The following CTNNA2 variants were observed in gnomAD, a reference collection of about 807,000 sequenced individuals.
CTNNA2 encodes catenin alpha 2.
Under a neutral mutation model 101.0 loss-of-function variants are expected in CTNNA2, and 42 were observed. That is an observed-to-expected ratio of 0.42 (90% CI 0.32 to 0.54). The LOEUF is 0.54. Among genes scored for constraint, CTNNA2 ranks in the 20% least tolerant of loss-of-function variants. The pLI is 0.14. For synonymous variants in CTNNA2, 450 were observed against 456.4 expected, an observed-to-expected ratio of 0.99 and a Z score of 0.18; for missense variants, 871 against 1,223.1, an observed-to-expected ratio of 0.71 and a Z score of 4.29.
intron 17 of CTNNA2, among the ~76,000 whole-genome samples, chr2:80,617,598 T>C (rs3770359): frequency 6.6e-6 from 1 of 151,946 alleles, no homozygotes; most frequent in East Asian, 1.9e-4. Flanking sequence ...TTTAATTCTT[T>C]AAAGACATTC....
At chr2:79,326,319 A>G (rs1676746911) in intron 3 of CTNNA2, among the ~76,000 whole-genome samples, 1 of 150,222 alleles carries the variant, frequency 6.7e-6, no homozygotes, top group South Asian at 2.1e-4. Context: ...AAAAAACCAG[A>G]CATCTAGAGA....
intron 7 of CTNNA2, among the ~76,000 whole-genome samples, chr2:80,049,861 C>T (rs1303016906): frequency 6.6e-6 from 1 of 152,152 alleles, no homozygotes; most frequent in African/African-American, 2.4e-5. Flanking sequence ...ATAACCCAGA[C>T]ATGTGTCTGT....
At chr2:80,635,396 T>A (rs1672769967) in intron 18 of CTNNA2, among the ~76,000 whole-genome samples, 1 of 152,200 alleles carries the variant, frequency 6.6e-6, no homozygotes, top group Non-Finnish European at 1.5e-5. Flanking sequence ...TTTAAACTAT[T>A]ATACTAAAGA....
rs540553682 is a variant in CTNNA2, at chr2:80,245,032, C to T, written c.1057-148179C>T. Reference sequence around the variant, plus strand: ...AAAACAAACAGAAAATTATGAAGTGCACAAAAGGATTTTCCACGCTGCTGA... The same window carrying T: ...AAAACAAACAGAAAATTATGAAGTGTACAAAAGGATTTTCCACGCTGCTGA... On this transcript the variant is annotated intron_variant, in intron 7 of 18. Transcript: ENST00000402739. Among the ~76,000 whole-genome samples, 3 of 152,290 alleles carry T rather than the reference C, an allele frequency of 2.0e-5. No individual in the cohort carries two copies. The East Asian group carries it at 5.8e-4, about 29-fold the overall frequency.
intron 3 of CTNNA2, among the ~76,000 whole-genome samples, chr2:79,829,120 G>A (rs1678668980): frequency 6.6e-6 from 1 of 152,098 alleles, no homozygotes; most frequent in Admixed American, 6.6e-5. Flanking sequence ...CACTTGAAAA[G>A]GAACATGTTA....
intron 7 of CTNNA2, among the ~76,000 whole-genome samples, chr2:80,285,057 T>C (rs1411756683): frequency 6.6e-6 from 1 of 152,124 alleles, no homozygotes; most frequent in Non-Finnish European, 1.5e-5. Flanking sequence ...ACTTTCTTTT[T>C]TTTTCTGGAA....
At chr2:80,406,807 A>G (rs1679106413) in intron 8 of CTNNA2, among the ~76,000 whole-genome samples, 1 of 144,732 alleles carries the variant, frequency 6.9e-6, no homozygotes, top group African/African-American at 2.7e-5. Flanking sequence ...AGCCTGGGCG[A>G]CAGAGCGAGA....
chr2:79,534,952 T>C (rs934060581), intron 1 of CTNNA2, among the ~76,000 whole-genome samples: 2 of 151,796 alleles, frequency 1.3e-5, no homozygotes, highest in Admixed American at 1.3e-4. Flanking sequence ...ACATAACTAT[T>C]TAATCTGATA....
At chr2:80,102,293 AAGG>A (rs1371300251) in intron 7 of CTNNA2, among the ~76,000 whole-genome samples, 2 of 152,130 alleles carry the variant, frequency 1.3e-5, no homozygotes, top group African/African-American at 4.8e-5. Context: ...TAGCCTCCAG[AAGG>A]AGAATCCTTC....
chr2:79,911,239 G>C (rs1685774638), intron 7 of CTNNA2, among the ~76,000 whole-genome samples: 1 of 152,200 alleles, frequency 6.6e-6, no homozygotes, highest in South Asian at 2.1e-4. Context: ...GACGCTGTTT[G>C]TTTGTTCGTT....
At chr2:80,561,207 C>G (rs1393240372) in intron 12 of CTNNA2, among the ~76,000 whole-genome samples, 1 of 152,068 alleles carries the variant, frequency 6.6e-6, no homozygotes, top group Non-Finnish European at 1.5e-5. Flanking sequence ...ATTGGGAAGA[C>G]AAACTATTAA....
chr2:80,138,195 AC>A (rs1702803377), intron 7 of CTNNA2, among the ~76,000 whole-genome samples: 1 of 152,038 alleles, frequency 6.6e-6, no homozygotes, highest in African/African-American at 2.4e-5. Context: ...TCTTAGAAAA[AC>A]CTGGATCTGA....
intron 2 of CTNNA2, among the ~76,000 whole-genome samples, chr2:79,225,655 T>A (rs1204747137): frequency 6.6e-6 from 1 of 152,160 alleles, no homozygotes; most frequent in Non-Finnish European, 1.5e-5. Flanking sequence ...GCTAGGGACA[T>A]CTTTAAGCTG....
chr2:80,019,622 C>T (rs1353520537), intron 7 of CTNNA2, among the ~76,000 whole-genome samples: 4 of 152,112 alleles, frequency 2.6e-5, no homozygotes, highest in Non-Finnish European at 5.9e-5. Context: ...TCTTGTCAGG[C>T]CATTTACTTT....
chr2:80,327,203 G>T (rs529929081), intron 7 of CTNNA2, among the ~76,000 whole-genome samples: 1 of 152,328 alleles, frequency 6.6e-6, no homozygotes, highest in South Asian at 2.1e-4. Flanking sequence ...AAAAGTTAAT[G>T]ATCACAGGCA....
chr2:79,626,576 A>AGT (rs150118721), intron 1 of CTNNA2, among the ~76,000 whole-genome samples: 10 of 150,132 alleles, frequency 6.7e-5, no homozygotes, highest in East Asian at 2.0e-4. Context: ...AGATGGTTAG[A>AGT]GTGTGTGTGT....
chr2:80,204,415 C>A (rs1000815083), intron 7 of CTNNA2, among the ~76,000 whole-genome samples: 22 of 152,298 alleles, frequency 1.4e-4, no homozygotes, highest in African/African-American at 4.8e-4. Context: ...CTGCCAGATA[C>A]CCTAAATCAT....
chr2:79,662,784 A>G lies in CTNNA2; in HGVS notation c.102+11126A>G, dbSNP rs564561401. ...AGGGAAGGCCAGCACAAGCAATAAA[A>G]AAACTAACCAGTGATTTTTCTTTCA... On this transcript the variant is annotated intron_variant, in intron 2 of 18. Coordinates refer to ENST00000402739, the MANE Select transcript of CTNNA2 (RefSeq NM_001282597.3). 3.5e-4 allele frequency among the ~76,000 whole-genome samples: 53 copies of G among 152,332 alleles called. 2 individuals carry two copies. The Middle Eastern group carries it at 0.01, about 29-fold the overall frequency.
At chr2:80,485,476 C>G (rs1013831540) in intron 9 of CTNNA2, among the ~76,000 whole-genome samples, 2 of 152,110 alleles carry the variant, frequency 1.3e-5, no homozygotes, top group Non-Finnish European at 2.9e-5. Flanking sequence ...GGACATCCAG[C>G]CTGACAACCT....
Sources: gnomAD v4.1 joint callset for allele counts (sites outside exome capture counted in the v4.1 genomes callset) on GRCh38, gnomAD v4.1.1 for gene constraint, MANE v1.5 for transcripts, NCBI Gene and HGNC (gene_info 2026-07-23, HGNC 2026-07-21) for gene names.